Variants in EML4 observed in about 807,000 individuals in gnomAD.
EML4 encodes EMAP like 4.
A neutral mutation model predicts 129.0 loss-of-function variants in EML4; 72 were observed. The observed-to-expected ratio is 0.56, with a 90% CI of 0.46 to 0.68. EML4 has a LOEUF of 0.68. Ranked by LOEUF, EML4 falls within the 30% of genes least tolerant of loss-of-function variation. The pLI, the probability that EML4 is intolerant of heterozygous loss-of-function variation, is 0.00. For missense variants in EML4, 1,363 were observed against 1,190.6 expected (o/e 1.14, Z -2.13); for synonymous variants, 532 against 405.0 (o/e 1.31, Z -3.77).
chr2:42,314,251 C>T (rs1185207713), intron 17 of EML4, among the ~76,000 whole-genome samples: 2 of 150,904 alleles, frequency 1.3e-5, no homozygotes, highest in Non-Finnish European at 3.0e-5. Flanking sequence ...CCCAGCTACT[C>T]GAGAGACTGA....
chr2:42,171,118 G>C (rs1450173024), intron 1 of EML4, among the ~76,000 whole-genome samples: 5 of 152,162 alleles, frequency 3.3e-5, no homozygotes, highest in Non-Finnish European at 1.5e-5. Context: ...TCCTTACTTA[G>C]GTTGGGCTCT....
At chr2:42,315,880 CAA>C (rs200655876) in intron 17 of EML4, 80 bp from the exon 18 acceptor site, 13 of 889,306 alleles carry the variant, frequency 1.5e-5, no homozygotes, top group Non-Finnish European at 1.9e-5. Flanking sequence ...GACTCCATCT[CAA>C]AAAAAAAAGA....
chr2:42,230,680 A>G (rs941611093), intron 1 of EML4, among the ~76,000 whole-genome samples: 1 of 152,240 alleles, frequency 6.6e-6, no homozygotes, highest in Admixed American at 6.5e-5. Context: ...TGCTGGGATT[A>G]CAGGCGTGAG....
chr2:42,270,863 G>A (rs1666324051), intron 6 of EML4, among the ~76,000 whole-genome samples: 1 of 152,186 alleles, frequency 6.6e-6, no homozygotes, highest in East Asian at 1.9e-4. Context: ...TGCATTTCCA[G>A]TGGAGACACA....
At chr2:42,227,579 C>A (rs1021364864) in intron 1 of EML4, among the ~76,000 whole-genome samples, 1 of 151,430 alleles carries the variant, frequency 6.6e-6, no homozygotes, top group Non-Finnish European at 1.5e-5. Context: ...ATATATATGC[C>A]CTTCAAATAC....
At position 42,287,883 on chromosome 2, in the gene EML4, A is replaced by C. The variant is rs76888550; in HGVS notation, c.1123-344A>C. On this transcript the variant is annotated intron_variant, in intron 10 of 22. Transcript: ENST00000318522. ...TTTCTTCTTACCTACCACAAGGAAA[A>C]ATAGCTTAATACAGGCAGCAAGAAG... Among the ~76,000 whole-genome samples, 1,276 of 152,196 alleles carry C rather than the reference A, an allele frequency of 8.4e-3. 13 individuals carry two copies. Among genetic ancestry groups the C allele is most frequent in the African/African-American group, 0.029 (1,210 of 41,542 alleles).
At chr2:42,289,380 A>AT (rs1428687471) in intron 11 of EML4, 1 of 152,112 alleles carries the variant, frequency 6.6e-6, no homozygotes, top group Non-Finnish European at 1.5e-5. Context: ...TTTATTCCAC[A>AT]TGCTCCACTG....
At chr2:42,326,007 TTTC>T in intron 20 of EML4, 144 bp from the exon 21 acceptor site, 1 of 1,153,028 alleles carries the variant, frequency 8.7e-7, no homozygotes. Flanking sequence ...AAGTGAACAC[TTTC>T]TTTTCCTTTT....
At chr2:42,201,182 C>T (rs1483059717) in intron 1 of EML4, among the ~76,000 whole-genome samples, 1 of 152,132 alleles carries the variant, frequency 6.6e-6, no homozygotes, top group East Asian at 1.9e-4. Context: ...GAAAGCATTA[C>T]CATCAAAATC....
chr2:42,190,506 G>A lies in EML4; in HGVS notation c.25+20870G>A, dbSNP rs1158474030. 2.0e-5 allele frequency among the ~76,000 whole-genome samples: 3 copies of A among 152,204 alleles called. No homozygotes were observed. In the East Asian group the frequency reaches 5.8e-4, roughly 29 times the overall value. On this transcript the variant is annotated intron_variant, in intron 1 of 22. Coordinates refer to ENST00000318522, the MANE Select transcript of EML4 (RefSeq NM_019063.5). Reference sequence around the variant, plus strand: ...TTGATCAACTTGGTAGTACTATTTAGTGATGTGGGGAAGACTTAGATGAAT... The same window carrying A: ...TTGATCAACTTGGTAGTACTATTTAATGATGTGGGGAAGACTTAGATGAAT...
chr2:42,251,581 C>T (rs1309554140), intron 2 of EML4, among the ~76,000 whole-genome samples: 2 of 152,144 alleles, frequency 1.3e-5, no homozygotes, highest in Non-Finnish European at 2.9e-5. Context: ...TGATGGAGTA[C>T]ATGTAGTCCT....
chr2:42,307,162 A>G (rs1256993247), intron 17 of EML4, among the ~76,000 whole-genome samples: 1 of 152,262 alleles, frequency 6.6e-6, no homozygotes, highest in Non-Finnish European at 1.5e-5. Flanking sequence ...GTGTTTACAA[A>G]TAGACATACA....
intron 1 of EML4, among the ~76,000 whole-genome samples, chr2:42,205,708 A>G (rs532652847): frequency 7.9e-5 from 12 of 152,352 alleles, no homozygotes; most frequent in African/African-American, 2.6e-4. Context: ...TGTTTGTTAC[A>G]GTAATACTAT....
intron 13 of EML4, among the ~76,000 whole-genome samples, chr2:42,299,011 AACATCAGAACAGAGATAGATACTTATCT>A (rs769385837): frequency 4.6e-5 from 7 of 152,212 alleles, no homozygotes; most frequent in Non-Finnish European, 1.0e-4. Context: ...CTCTCGTGGT[AACATCAGAACAGAGATAGATACTTATCT>A]ACCTATGCCA....
chr2:42,319,405 G>A (rs1459304937), intron 19 of EML4: 3 of 152,196 alleles, frequency 2.0e-5, no homozygotes, highest in South Asian at 2.1e-4. Context: ...TCTTTGAAGC[G>A]TTTGAAGAAA....
chr2:42,306,884 C>T (rs1235059393), intron 17 of EML4, among the ~76,000 whole-genome samples: 3 of 152,094 alleles, frequency 2.0e-5, no homozygotes, highest in Admixed American at 6.6e-5. Context: ...GAAACCAAGA[C>T]CCATAGAGTT....
Position 42,169,571 on chromosome 2 carries a change from C to G in EML4, c.-41C>G. The G allele has an allele frequency of 6.3e-7, 1 of 1,591,872 alleles. No homozygotes were observed. Among genetic ancestry groups the G allele is most frequent in the South Asian group, 1.1e-5 (1 of 89,826 alleles). ...CTCTGTCGGTCCGCTGAATGAAGTG[C>G]CCGCCCCTCTAAGCCCGGAGCCCGG... On this transcript the variant is annotated 5_prime_UTR_variant, in exon 1 of 23. Coordinates refer to ENST00000318522, the MANE Select transcript of EML4 (RefSeq NM_019063.5).
chr2:42,204,067 A>G (rs1672396470), intron 1 of EML4, among the ~76,000 whole-genome samples: 1 of 152,018 alleles, frequency 6.6e-6, no homozygotes, highest in Non-Finnish European at 1.5e-5. Context: ...CTACAGCCAT[A>G]TGCCACTACC....
chr2:42,217,123 G>C (rs1202428148), intron 1 of EML4, among the ~76,000 whole-genome samples: 1 of 152,130 alleles, frequency 6.6e-6, no homozygotes, highest in African/African-American at 2.4e-5. Flanking sequence ...TTTATTTAAA[G>C]TTTACCTGCA....
Sources: gnomAD v4.1 joint callset for allele counts (sites outside exome capture counted in the v4.1 genomes callset) on GRCh38, gnomAD v4.1.1 for gene constraint, MANE v1.5 for transcripts, NCBI Gene and HGNC (gene_info 2026-07-23, HGNC 2026-07-21) for gene names.